The following TANC2 variants were observed in gnomAD, a reference collection of about 807,000 sequenced individuals.
The protein encoded by TANC2 is protein TANC2.
TANC2 carries 26 observed loss-of-function variants against 210.5 expected under a neutral mutation model. The observed-to-expected ratio is 0.12, with a 90% confidence interval of 0.09 to 0.17. The LOEUF is 0.17. Ranked by LOEUF, TANC2 falls within the 10% of genes least tolerant of loss-of-function variation. The pLI is 1.00. For synonymous variants in TANC2, 931 were observed against 967.1 expected (o/e 0.96, Z 0.69); for missense variants, 2,129 against 2,608.9 (o/e 0.82, Z 4.01).
intron 2 of TANC2, among the ~76,000 whole-genome samples, chr17:63,011,342 G>T (rs1402305477): frequency 1.3e-5 from 2 of 151,706 alleles, no homozygotes; most frequent in African/African-American, 4.8e-5. Context: ...GATATTTATT[G>T]AGATTTGCTT....
chr17:63,034,254 G>T (rs2034886222), intron 2 of TANC2, among the ~76,000 whole-genome samples: 1 of 152,148 alleles, frequency 6.6e-6, no homozygotes, highest in Non-Finnish European at 1.5e-5. Flanking sequence ...ACCATTTCCA[G>T]AATTCTAGGG....
chr17:63,272,305 G>A (rs1043973898), intron 9 of TANC2, among the ~76,000 whole-genome samples: 1 of 151,972 alleles, frequency 6.6e-6, no homozygotes, highest in Non-Finnish European at 1.5e-5. Flanking sequence ...ATTATGTTCG[G>A]TTGGTCTATG....
At chr17:63,331,118 T>G (rs190013628) in intron 11 of TANC2, among the ~76,000 whole-genome samples, 1 of 152,214 alleles carries the variant, frequency 6.6e-6, no homozygotes, top group Non-Finnish European at 1.5e-5. Flanking sequence ...TACTTGACAT[T>G]GCCAAGTGTG....
At chr17:63,416,205 C>G (rs2147381227) in intron 26 of TANC2, among the ~76,000 whole-genome samples, 1 of 152,298 alleles carries the variant, frequency 6.6e-6, no homozygotes, top group South Asian at 2.1e-4. Context: ...AATCTCAGAA[C>G]TCCCCCTGGA....
intron 13 of TANC2, among the ~76,000 whole-genome samples, chr17:63,354,445 C>T (rs915092956): frequency 1.3e-5 from 2 of 152,082 alleles, no homozygotes; most frequent in African/African-American, 2.4e-5. Flanking sequence ...GCATTATGCC[C>T]TGGTTTACAC....
intron 16 of TANC2, 67 bp downstream of exon 16, chr17:63,388,824 A>T: frequency 1.6e-6 from 2 of 1,223,792 alleles, no homozygotes; most frequent in Non-Finnish European, 2.2e-6. Context: ...CTAGAAGGAC[A>T]TTAAGTAGCT....
chr17:63,118,032 A>G (rs939389756), intron 4 of TANC2, among the ~76,000 whole-genome samples: 14 of 152,324 alleles, frequency 9.2e-5, no homozygotes, highest in African/African-American at 2.4e-4. Context: ...TAAAAACTCA[A>G]TTTTTCAATG....
At chr17:63,258,794 T>C (rs1486269920) in intron 8 of TANC2, among the ~76,000 whole-genome samples, 4 of 152,164 alleles carry the variant, frequency 2.6e-5, no homozygotes, top group Non-Finnish European at 5.9e-5. Flanking sequence ...AGGCCTGGAA[T>C]TGGGGAACCC....
At chr17:63,168,652 T>C (rs1320928034) in intron 5 of TANC2, among the ~76,000 whole-genome samples, 1 of 152,236 alleles carries the variant, frequency 6.6e-6, no homozygotes, top group Non-Finnish European at 1.5e-5. Flanking sequence ...CTTTATCATG[T>C]CCTATAACCA....
chr17:63,396,155 TG>T, intron 18 of TANC2: 1 of 490,270 alleles, frequency 2.0e-6, no homozygotes, highest in East Asian at 3.4e-5. Context: ...ACCGTGGAAA[TG>T]ATATAATTAT....
chr17:63,222,034 ATAAAC>A (rs1325401066), intron 7 of TANC2, among the ~76,000 whole-genome samples: 2 of 152,368 alleles, frequency 1.3e-5, no homozygotes, highest in East Asian at 3.9e-4. Flanking sequence ...TGGATAGCTT[ATAAAC>A]AATAGAAATA....
rs374621938 is a variant in TANC2 at position 63,350,876 on chromosome 17, GAAA to G, written c.1808-358_1808-356del. Among the ~76,000 whole-genome samples the G allele has an allele frequency of 2.2e-3, 263 of 121,354 alleles. 3 individuals are homozygous for G. Among genetic ancestry groups the G allele is most frequent in the African/African-American group, 7.4e-3 (250 of 33,644 alleles). 79.6% of individuals were successfully genotyped at this position (121,354 alleles called of 152,430 possible). A position where few individuals can be genotyped will look rare whatever the true frequency, so the allele number is the denominator to read the frequency against. On this transcript the variant is annotated intron_variant, in intron 12 of 27. Coordinates refer to ENST00000689528, the Ensembl canonical transcript of TANC2. ...ATTCTCTTTAATGCTGTCAGATAGGGAAAAAAAAAAAAAAAAAACAGAACATGT... is the reference window on the plus strand; with the variant it reads ...ATTCTCTTTAATGCTGTCAGATAGGGAAAAAAAAAAAAAAACAGAACATGT...
intron 3 of TANC2, among the ~76,000 whole-genome samples, chr17:63,097,267 A>G (rs1169000687): frequency 6.6e-6 from 1 of 152,016 alleles, no homozygotes; most frequent in Non-Finnish European, 1.5e-5. Flanking sequence ...GGCTGGTCTC[A>G]AACTTATGGG....
At chr17:63,266,508 T>C (rs1051124344) in intron 8 of TANC2, among the ~76,000 whole-genome samples, 2 of 152,202 alleles carry the variant, frequency 1.3e-5, no homozygotes, top group African/African-American at 4.8e-5. Flanking sequence ...TGTTTCCTTA[T>C]GCTGAGGGAA....
At chr17:63,076,132 G>T (rs1347844162) in intron 3 of TANC2, among the ~76,000 whole-genome samples, 1 of 152,126 alleles carries the variant, frequency 6.6e-6, no homozygotes, top group Non-Finnish European at 1.5e-5. Flanking sequence ...AGATGAAGAA[G>T]CATTGGGTTT....
At chr17:63,377,557 T>C (rs1203201692) in intron 14 of TANC2, among the ~76,000 whole-genome samples, 2 of 152,214 alleles carry the variant, frequency 1.3e-5, no homozygotes, top group Admixed American at 6.5e-5. Context: ...CATCCTGGAC[T>C]TCATTGTCCA....
intron 1 of TANC2, among the ~76,000 whole-genome samples, chr17:62,980,127 C>T (rs910182579): frequency 7.9e-5 from 12 of 152,186 alleles, no homozygotes; most frequent in African/African-American, 2.9e-4. Flanking sequence ...TTAACCTCTT[C>T]TCTAAACAAT....
chr17:63,103,856 G>A (rs372471403), intron 4 of TANC2, among the ~76,000 whole-genome samples: 4 of 152,094 alleles, frequency 2.6e-5, no homozygotes, highest in African/African-American at 9.7e-5. Context: ...ATTAGCTTGT[G>A]TTTTTGTCAC....
chr17:63,309,287 G>T (rs1484679910), intron 9 of TANC2, among the ~76,000 whole-genome samples: 1 of 152,052 alleles, frequency 6.6e-6, no homozygotes, highest in Admixed American at 6.6e-5. Flanking sequence ...GCAAAATGTC[G>T]GTTCTCTAAA....
Sources: allele counts gnomAD v4.1 joint callset (sites outside exome capture counted in the v4.1 genomes callset), GRCh38; gene constraint gnomAD v4.1.1; transcripts MANE v1.5; gene names NCBI Gene and HGNC (gene_info 2026-07-23, HGNC 2026-07-21).